The following GLT1D1 variants were observed in gnomAD, a reference collection of about 807,000 sequenced individuals.
The protein encoded by GLT1D1 is glycosyltransferase 1 domain containing 1.
GLT1D1 carries 21 observed loss-of-function variants against 28.7 expected under a neutral mutation model. That is an observed-to-expected ratio of 0.73 (90% CI 0.52 to 1.05). GLT1D1 has a LOEUF of 1.05. Among genes scored for constraint, GLT1D1 ranks in the 50% least tolerant of loss-of-function variants. The probability of loss-of-function intolerance (pLI) is 0.00; values close to 1 mark genes in which losing one functional copy is unlikely to be tolerated. For missense variants in GLT1D1, 343 were observed against 330.6 expected, an observed-to-expected ratio of 1.04 and a Z score of -0.29; for synonymous variants, 147 against 124.8, an observed-to-expected ratio of 1.18 and a Z score of -1.19.
intron 1 of GLT1D1, among the ~76,000 whole-genome samples, chr12:128,862,239 G>C (rs1340544247): frequency 4.0e-5 from 6 of 148,780 alleles, no homozygotes; most frequent in Non-Finnish European, 7.4e-5. Flanking sequence ...TGACACAGGA[G>C]AACTGCTTGA....
chr12:128,975,271 C>A (rs76950887), intron 7 of GLT1D1, among the ~76,000 whole-genome samples: 2 of 151,912 alleles, frequency 1.3e-5, no homozygotes, highest in South Asian at 4.2e-4. Flanking sequence ...TGACTGGGGG[C>A]GGGGGGAAGT....
chr12:128,977,694 T>A (rs1047985144), intron 7 of GLT1D1, among the ~76,000 whole-genome samples: 2 of 152,010 alleles, frequency 1.3e-5, no homozygotes, highest in Non-Finnish European at 2.9e-5. Context: ...TCTTGAGAGA[T>A]GGAATTTCTG....
In GLT1D1 at chr12:128,972,218, G is replaced by T. The variant is rs149656507; in HGVS notation, c.640-10711G>T. 6.6e-3 allele frequency among the ~76,000 whole-genome samples: 1,007 copies of T among 152,298 alleles called. 9 individuals are homozygous for T. The highest frequency in any genetic ancestry group is 0.023 in the African/African-American group (954 of 41,570). ...GCAGCATTGGGAGACATTATTTCTC[G>T]CTCTTCTGGAGGCCAGAGCTGGTTG... On this transcript the variant is annotated intron_variant, in intron 7 of 7. Transcript: ENST00000281703.
intron 6 of GLT1D1, among the ~76,000 whole-genome samples, chr12:128,955,929 C>A (rs1311637994): frequency 2.0e-5 from 3 of 151,464 alleles, no homozygotes; most frequent in Non-Finnish European, 4.4e-5. Flanking sequence ...GGGACTGCAT[C>A]CCAATAAACC....
intron 6 of GLT1D1, among the ~76,000 whole-genome samples, chr12:128,954,091 G>T (rs1170401762): frequency 6.6e-6 from 1 of 150,394 alleles, no homozygotes; most frequent in Admixed American, 6.7e-5. Flanking sequence ...CTCGAGATCT[G>T]GTCCTAAGGT....
intron 4 of GLT1D1, among the ~76,000 whole-genome samples, chr12:128,919,028 A>G (rs942786977): frequency 2.5e-4 from 38 of 152,224 alleles, no homozygotes; most frequent in Admixed American, 2.0e-4. Context: ...TGGCTCTGAT[A>G]GCTGACAGTG....
At chr12:128,891,306 G>A (rs1241040413) in intron 3 of GLT1D1, among the ~76,000 whole-genome samples, 1 of 152,098 alleles carries the variant, frequency 6.6e-6, no homozygotes, top group Non-Finnish European at 1.5e-5. Context: ...CTCGGGGTTT[G>A]GCTGGACAGT....
intron 4 of GLT1D1, among the ~76,000 whole-genome samples, chr12:128,919,096 C>T (rs907049148): frequency 3.9e-5 from 6 of 152,152 alleles, no homozygotes; most frequent in Non-Finnish European, 5.9e-5. Context: ...GTTTTATGAT[C>T]AGGCATCTGT....
chr12:128,937,075 A>G (rs1022181822), intron 4 of GLT1D1, among the ~76,000 whole-genome samples: 1 of 152,164 alleles, frequency 6.6e-6, no homozygotes, highest in African/African-American at 2.4e-5. Context: ...TTGATAAATT[A>G]TTTTTCCTTA....
intron 4 of GLT1D1, among the ~76,000 whole-genome samples, chr12:128,907,165 T>G (rs767891821): frequency 2.0e-5 from 3 of 152,160 alleles, no homozygotes; most frequent in Non-Finnish European, 4.4e-5. Flanking sequence ...ATACCTTTTA[T>G]TAGAGTTCCC....
At chr12:128,915,787 A>C (rs1872049740) in intron 4 of GLT1D1, among the ~76,000 whole-genome samples, 1 of 152,256 alleles carries the variant, frequency 6.6e-6, no homozygotes, top group African/African-American at 2.4e-5. Flanking sequence ...GACAAAGTCA[A>C]GCTTCACTTA....
intron 2 of GLT1D1, among the ~76,000 whole-genome samples, chr12:128,880,789 A>G (rs1349276039): frequency 2.0e-5 from 3 of 152,208 alleles, no homozygotes; most frequent in Non-Finnish European, 4.4e-5. Context: ...TACAAAGAAG[A>G]AAATATGGCA....
At chr12:128,910,395 C>T (rs1871386235) in intron 4 of GLT1D1, among the ~76,000 whole-genome samples, 1 of 151,368 alleles carries the variant, frequency 6.6e-6, no homozygotes. Context: ...TATGTTGCCT[C>T]ACCTTATATT....
At chr12:128,863,383 T>G (rs1241393842) in intron 1 of GLT1D1, among the ~76,000 whole-genome samples, 1 of 152,134 alleles carries the variant, frequency 6.6e-6, no homozygotes, top group African/African-American at 2.4e-5. Context: ...TTATTATTTT[T>G]TTTTTTGAAA....
chr12:128,941,569 CTTTTTTTTTTTT>C (rs550204231), intron 4 of GLT1D1, among the ~76,000 whole-genome samples: 57 of 107,556 alleles, frequency 5.3e-4, no homozygotes, highest in Admixed American at 8.9e-4. Flanking sequence ...CTCTCTTTCT[CTTTTTTTTTTTT>C]TTTTTTTTTG....
intron 7 of GLT1D1, among the ~76,000 whole-genome samples, chr12:128,970,683 G>T (rs1442133668): frequency 1.3e-5 from 2 of 152,206 alleles, no homozygotes; most frequent in African/African-American, 2.4e-5. Context: ...ACCGAGCTGC[G>T]CCCACGGCTG....
At chr12:128,904,920 C>T (rs1196796911) in intron 4 of GLT1D1, among the ~76,000 whole-genome samples, 1 of 152,168 alleles carries the variant, frequency 6.6e-6, no homozygotes, top group Admixed American at 6.5e-5. Context: ...AGGTGACTGC[C>T]ACTATGCCTG....
intron 1 of GLT1D1, among the ~76,000 whole-genome samples, chr12:128,874,100 C>CTTTCTTTCTTTCTTTCTT (rs1219784154): frequency 3.9e-4 from 17 of 43,060 alleles, no homozygotes; most frequent in African/African-American, 1.8e-3. Flanking sequence ...TTCTTTCTTT[C>CTTTCTTTCTTTCTTTCTT]TCTCTCTCTC....
chr12:128,898,146 T>TTCC (rs758801379), intron 3 of GLT1D1, among the ~76,000 whole-genome samples: 98 of 152,060 alleles, frequency 6.4e-4, no homozygotes, highest in East Asian at 9.7e-4. Context: ...CTTCCTCTTC[T>TTCC]TCCTCCTCCT....
Sources: gnomAD v4.1 joint callset for allele counts (sites outside exome capture counted in the v4.1 genomes callset) on GRCh38, gnomAD v4.1.1 for gene constraint, MANE v1.5 for transcripts, NCBI Gene and HGNC (gene_info 2026-07-23, HGNC 2026-07-21) for gene names.